RALGAPA1: variants seen among roughly 807,000 people sequenced by gnomAD.
RALGAPA1 encodes the protein Ral GTPase activating protein catalytic subunit alpha 1.
In RALGAPA1, 52 loss-of-function variants were observed where a neutral mutation model predicts 269.6. The ratio of observed to expected loss-of-function variants is 0.19; its 90% CI spans 0.15 to 0.24. RALGAPA1 has a LOEUF of 0.24. RALGAPA1 is among the 10% of genes least tolerant of loss of function. RALGAPA1 has a pLI of 1.00. For missense variants in RALGAPA1, 1,917 were observed against 3,013.9 expected (o/e 0.64, Z 8.52); for synonymous variants, 817 against 1,008.3 (o/e 0.81, Z 3.60).
intron 37 of RALGAPA1, among the ~76,000 whole-genome samples, chr14:35,593,537 A>G (rs1222439257): frequency 6.6e-6 from 1 of 152,136 alleles, no homozygotes; most frequent in African/African-American, 2.4e-5. Flanking sequence ...AACTGAGAAA[A>G]AAACACAAAG....
intron 39 of RALGAPA1, among the ~76,000 whole-genome samples, chr14:35,553,050 G>C (rs1331142803): frequency 2.0e-5 from 3 of 152,088 alleles, no homozygotes; most frequent in Non-Finnish European, 4.4e-5. Context: ...ATGTTAAATG[G>C]GGATACATCT....
intron 4 of RALGAPA1, 45 bp from the exon 5 acceptor site, chr14:35,762,798 G>A (rs1388737888): frequency 3.5e-6 from 4 of 1,157,460 alleles, no homozygotes; most frequent in Non-Finnish European, 5.2e-6. Flanking sequence ...TTATCTATTT[G>A]TAAATGTCAG....
chr14:35,597,843 T>C (rs900530511), intron 36 of RALGAPA1, among the ~76,000 whole-genome samples: 1 of 152,246 alleles, frequency 6.6e-6, no homozygotes, highest in African/African-American at 2.4e-5. Context: ...TGTTATCTTT[T>C]TGTTAATGAT....
chr14:35,609,650 C>T (rs1457829257), intron 35 of RALGAPA1, among the ~76,000 whole-genome samples: 1 of 152,120 alleles, frequency 6.6e-6, no homozygotes, highest in African/African-American at 2.4e-5. Context: ...AAAACTGGCA[C>T]AGTGGTTCAT....
At chr14:35,641,060 C>T (rs1481787415) in intron 31 of RALGAPA1, among the ~76,000 whole-genome samples, 2 of 151,890 alleles carry the variant, frequency 1.3e-5, no homozygotes, top group Non-Finnish European at 2.9e-5. Flanking sequence ...TCCTCCCCTC[C>T]CCCCACAAAA....
intron 31 of RALGAPA1, among the ~76,000 whole-genome samples, chr14:35,645,167 A>C (rs2062316401): frequency 6.6e-6 from 1 of 151,996 alleles, no homozygotes; most frequent in South Asian, 2.1e-4. Context: ...CACACGGTGG[A>C]TATTAGTTCA....
intron 30 of RALGAPA1, among the ~76,000 whole-genome samples, chr14:35,652,966 A>G (rs1472061899): frequency 2.6e-5 from 4 of 152,174 alleles, no homozygotes; most frequent in African/African-American, 9.7e-5. Context: ...TATTGCCTCA[A>G]TGTAGTAAGT....
At chr14:35,769,154 T>C (rs2074430038) in intron 4 of RALGAPA1, among the ~76,000 whole-genome samples, 2 of 149,884 alleles carry the variant, frequency 1.3e-5, no homozygotes, top group African/African-American at 2.5e-5. Context: ...TATCAAAAGT[T>C]TGTTCTTTGA....
intron 27 of RALGAPA1, among the ~76,000 whole-genome samples, chr14:35,660,296 TAA>T (rs2063454374): frequency 6.6e-6 from 1 of 151,984 alleles, no homozygotes; most frequent in Non-Finnish European, 1.5e-5. Flanking sequence ...TTAGAACTAA[TAA>T]AGTCAGTAGA....
At chr14:35,637,856 T>C (rs75436461) in intron 31 of RALGAPA1, among the ~76,000 whole-genome samples, 1 of 152,198 alleles carries the variant, frequency 6.6e-6, no homozygotes, top group East Asian at 1.9e-4. Flanking sequence ...GGAGCTCCAA[T>C]ACATTTGGAA....
chr14:35,722,120 T>G (rs908235969), intron 15 of RALGAPA1, among the ~76,000 whole-genome samples: 1 of 152,026 alleles, frequency 6.6e-6, no homozygotes, highest in Non-Finnish European at 1.5e-5. Context: ...AAATGAAACA[T>G]TTAGACAAGA....
At chr14:35,753,956 T>C (rs545565075) in intron 7 of RALGAPA1, among the ~76,000 whole-genome samples, 1 of 152,238 alleles carries the variant, frequency 6.6e-6, no homozygotes, top group East Asian at 1.9e-4. Flanking sequence ...AAAGGGGATA[T>C]TTAGGTAGTT....
chr14:35,599,508 G>C (rs1287557669), intron 36 of RALGAPA1, among the ~76,000 whole-genome samples: 21 of 152,182 alleles, frequency 1.4e-4, no homozygotes, highest in Admixed American at 1.3e-3. Flanking sequence ...ACTTTGGGAG[G>C]GGGAGGTGGG....
At chr14:35,669,664 T>C (rs566949139) in intron 26 of RALGAPA1, among the ~76,000 whole-genome samples, 4 of 152,202 alleles carry the variant, frequency 2.6e-5, no homozygotes, top group African/African-American at 4.8e-5. Context: ...GCAGGTCAGC[T>C]CTAGACAATG....
chr14:35,776,346 A>G (rs1204788149), intron 1 of RALGAPA1, among the ~76,000 whole-genome samples: 1 of 151,538 alleles, frequency 6.6e-6, no homozygotes, highest in Non-Finnish European at 1.5e-5. Flanking sequence ...GCGCCACTGC[A>G]CTCTAGCCTG....
At chr14:35,648,339 G>A (rs10129549) in intron 31 of RALGAPA1, among the ~76,000 whole-genome samples, 16,997 of 151,344 alleles carry the variant, frequency 0.11, 1,584 homozygotes, top group East Asian at 0.37. Context: ...GGTGGCGCAC[G>A]CCTGTAATCC....
At chr14:35,647,097 A>G (rs2062483915) in intron 31 of RALGAPA1, among the ~76,000 whole-genome samples, 1 of 152,218 alleles carries the variant, frequency 6.6e-6, no homozygotes, top group Admixed American at 6.5e-5. Context: ...ACCTTGGGCA[A>G]CTTAACCTTT....
At chr14:35,764,163 T>C (rs1401832173) in intron 4 of RALGAPA1, among the ~76,000 whole-genome samples, 1 of 151,846 alleles carries the variant, frequency 6.6e-6, no homozygotes, top group East Asian at 1.9e-4. Flanking sequence ...CAATCATAGA[T>C]CACTGCAGCC....
chr14:35,732,672 G>T (rs2070614595), intron 12 of RALGAPA1, among the ~76,000 whole-genome samples: 2 of 152,190 alleles, frequency 1.3e-5, no homozygotes, highest in African/African-American at 4.8e-5. Context: ...TTATATAATG[G>T]TAAAAGGCCT....
Sources: allele counts gnomAD v4.1 joint callset (sites outside exome capture counted in the v4.1 genomes callset), GRCh38; gene constraint gnomAD v4.1.1; transcripts MANE v1.5; gene names NCBI Gene and HGNC (gene_info 2026-07-23, HGNC 2026-07-21).